Variants in PTPRD observed in about 807,000 individuals in gnomAD.
PTPRD encodes the protein protein tyrosine phosphatase receptor type D, also known as receptor-type tyrosine-protein phosphatase delta.
Under a neutral mutation model 214.5 loss-of-function variants are expected in PTPRD, and 34 were observed. The ratio of observed to expected loss-of-function variants is 0.16; its 90% CI spans 0.12 to 0.21. The LOEUF (loss-of-function observed/expected upper bound fraction) is 0.21, where lower values mean the gene tolerates loss of function less well. PTPRD is among the 10% of genes least tolerant of loss of function. PTPRD has a pLI of 1.00. For synonymous variants in PTPRD, 1,128 were observed against 845.7 expected (o/e 1.33, Z -5.79); for missense variants, 2,545 against 2,398.7 (o/e 1.06, Z -1.27).
At chr9:8,391,457 C>T (rs904057613) in intron 36 of PTPRD, among the ~76,000 whole-genome samples, 1 of 152,102 alleles carries the variant, frequency 6.6e-6, no homozygotes, top group Non-Finnish European at 1.5e-5. Context: ...GATCCTATTC[C>T]TCCCCAACAC....
At chr9:8,796,834 G>A (rs547029873) in intron 11 of PTPRD, among the ~76,000 whole-genome samples, 1 of 151,898 alleles carries the variant, frequency 6.6e-6, no homozygotes, top group South Asian at 2.1e-4. Flanking sequence ...ACTTTCATTG[G>A]TAAACTCAAA....
chr9:9,062,737 T>C (rs747980673), intron 10 of PTPRD, among the ~76,000 whole-genome samples: 1 of 152,212 alleles, frequency 6.6e-6, no homozygotes, highest in Non-Finnish European at 1.5e-5. Context: ...TGTTACTGTG[T>C]AAATATCATA....
chr9:8,932,121 G>A (rs538562744), intron 11 of PTPRD, among the ~76,000 whole-genome samples: 34 of 152,140 alleles, frequency 2.2e-4, no homozygotes, highest in African/African-American at 6.5e-4. Flanking sequence ...TCCTGGATTC[G>A]TTGATTTTTT....
chr9:10,264,872 T>C (rs945927800), intron 3 of PTPRD, among the ~76,000 whole-genome samples: 3 of 152,122 alleles, frequency 2.0e-5, no homozygotes, highest in Non-Finnish European at 2.9e-5. Flanking sequence ...GGGAGATAAT[T>C]GAATCATGGG....
chr9:10,416,404 A>G (rs1176207708), intron 2 of PTPRD, among the ~76,000 whole-genome samples: 2 of 151,860 alleles, frequency 1.3e-5, no homozygotes, highest in African/African-American at 2.4e-5. Flanking sequence ...CAAACACCCA[A>G]TGTTTGAAAT....
chr9:10,437,335 T>G (rs1458685395), intron 2 of PTPRD, among the ~76,000 whole-genome samples: 1 of 151,898 alleles, frequency 6.6e-6, no homozygotes, highest in Non-Finnish European at 1.5e-5. Context: ...ATATTCAGAC[T>G]ATTGCAAATT....
At chr9:8,495,561 G>C (rs1226877628) in intron 26 of PTPRD, among the ~76,000 whole-genome samples, 1 of 152,164 alleles carries the variant, frequency 6.6e-6, no homozygotes, top group Non-Finnish European at 1.5e-5. Context: ...AGTCAGTCAT[G>C]ACCAGAATTT....
intron 9 of PTPRD, among the ~76,000 whole-genome samples, chr9:9,395,035 T>C (rs1465287079): frequency 6.6e-6 from 1 of 152,050 alleles, no homozygotes; most frequent in African/African-American, 2.4e-5. Context: ...ACCTATAAAT[T>C]CAATCCTGTG....
At chr9:8,454,298 G>C (rs954618319) in intron 33 of PTPRD, among the ~76,000 whole-genome samples, 1 of 152,176 alleles carries the variant, frequency 6.6e-6, no homozygotes, top group Non-Finnish European at 1.5e-5. Context: ...ACACACAAAT[G>C]CCCATTTTAA....
At chr9:8,765,674 C>T (rs920052280) in intron 11 of PTPRD, among the ~76,000 whole-genome samples, 1 of 152,176 alleles carries the variant, frequency 6.6e-6, no homozygotes, top group Non-Finnish European at 1.5e-5. Context: ...ATTCCTGACT[C>T]ACAGAAGCTG....
intron 10 of PTPRD, among the ~76,000 whole-genome samples, chr9:9,166,260 A>T (rs2099903615): frequency 6.6e-6 from 1 of 151,886 alleles, no homozygotes; most frequent in African/African-American, 2.4e-5. Context: ...TATATTGCTT[A>T]GCTGAATCTG....
intron 8 of PTPRD, among the ~76,000 whole-genome samples, chr9:9,428,115 G>T (rs2081686101): frequency 6.6e-6 from 1 of 152,104 alleles, no homozygotes; most frequent in South Asian, 2.1e-4. Context: ...AACACAGACT[G>T]GCAAATTGGA....
chr9:10,193,890 A>G (rs1294873841), intron 3 of PTPRD, among the ~76,000 whole-genome samples: 1 of 152,126 alleles, frequency 6.6e-6, no homozygotes, highest in East Asian at 1.9e-4. Flanking sequence ...GAAACATAGA[A>G]TCACATGCTT....
chr9:9,528,972 C>T (rs1159145651), intron 8 of PTPRD, among the ~76,000 whole-genome samples: 6 of 149,076 alleles, frequency 4.0e-5, no homozygotes, highest in African/African-American at 1.5e-4. Context: ...AGAGTCTCAC[C>T]CTGTTGCCCA....
At chr9:9,592,619 T>C (rs1330625644) in intron 7 of PTPRD, among the ~76,000 whole-genome samples, 1 of 152,048 alleles carries the variant, frequency 6.6e-6, no homozygotes, top group Non-Finnish European at 1.5e-5. Context: ...CTTTCGTCAT[T>C]CCCTACTCCT....
At chr9:8,891,558 T>C (rs1251853715) in intron 11 of PTPRD, among the ~76,000 whole-genome samples, 1 of 152,076 alleles carries the variant, frequency 6.6e-6, no homozygotes, top group Admixed American at 6.6e-5. Flanking sequence ...AGCGTACAAT[T>C]TGATACAAAA....
chr9:10,141,786 A>C (rs1592216666), intron 3 of PTPRD, among the ~76,000 whole-genome samples: 2 of 152,240 alleles, frequency 1.3e-5, no homozygotes, highest in Non-Finnish European at 2.9e-5. Context: ...AAGAGCCCGC[A>C]TTGCCAAGTC....
At chr9:9,856,978 T>G (rs1040646140) in intron 5 of PTPRD, among the ~76,000 whole-genome samples, 1 of 152,130 alleles carries the variant, frequency 6.6e-6, no homozygotes, top group African/African-American at 2.4e-5. Flanking sequence ...AATGGACCAA[T>G]GTATTATTTT....
intron 7 of PTPRD, among the ~76,000 whole-genome samples, chr9:9,624,128 A>G (rs953389243): frequency 1.3e-5 from 2 of 152,208 alleles, no homozygotes; most frequent in African/African-American, 4.8e-5. Flanking sequence ...AAATGAAAAT[A>G]CTTATTCCGA....
Sources: gnomAD v4.1 joint callset for allele counts (sites outside exome capture counted in the v4.1 genomes callset) on GRCh38, gnomAD v4.1.1 for gene constraint, MANE v1.5 for transcripts, NCBI Gene and HGNC (gene_info 2026-07-23, HGNC 2026-07-21) for gene names.